The following SGSM1 variants were observed in gnomAD, a reference collection of about 807,000 sequenced individuals.
SGSM1 encodes RUN and TBC1 domain containing 2.
SGSM1 carries 73 observed loss-of-function variants against 133.8 expected under a neutral mutation model. That is an observed-to-expected ratio of 0.55 (90% CI 0.45 to 0.66). The LOEUF is 0.66. SGSM1 is among the 30% of genes least tolerant of loss of function. The pLI is 0.00. For missense variants in SGSM1, 1,213 were observed against 1,448.1 expected (o/e 0.84, Z 2.64); for synonymous variants, 563 against 573.0 (o/e 0.98, Z 0.25).
intron 2 of SGSM1, among the ~76,000 whole-genome samples, chr22:24,827,633 A>G (rs1928873800): frequency 6.6e-6 from 1 of 151,986 alleles, no homozygotes; most frequent in Admixed American, 6.5e-5. Context: ...TGTCATCTCA[A>G]GCACCTCTGT....
intron 24 of SGSM1, among the ~76,000 whole-genome samples, chr22:24,923,684 G>T (rs2123756824): frequency 6.6e-6 from 1 of 152,142 alleles, no homozygotes; most frequent in East Asian, 1.9e-4. Flanking sequence ...GTGCAGTGGT[G>T]CAATCTCGGC....
chr22:24,848,223 A>G (rs1930265686), intron 4 of SGSM1, among the ~76,000 whole-genome samples: 1 of 151,636 alleles, frequency 6.6e-6, no homozygotes, highest in Admixed American at 6.6e-5. Context: ...TGTCTCAAGC[A>G]TCCGGGCCAG....
Position 24,918,160 on chromosome 22 carries a change from C to T in SGSM1, c.3025+406C>T, listed in dbSNP as rs190354886. On this transcript the variant is annotated intron_variant, in intron 23 of 24. Coordinates refer to ENST00000400358, the MANE Select transcript of SGSM1 (RefSeq NM_001098497.3). Reference sequence around the variant, plus strand: ...AACATGACATAAAAGTGATGTATAACACAGTACCTTGTTGCTATTGTTCAG... The same window carrying T: ...AACATGACATAAAAGTGATGTATAATACAGTACCTTGTTGCTATTGTTCAG... 1.2e-4 allele frequency among the ~76,000 whole-genome samples: 18 copies of T among 152,248 alleles called. No individual in the cohort carries two copies. The East Asian group carries it at 3.5e-3, about 29-fold the overall frequency.
At chr22:24,919,474 G>A (rs1933933089) in intron 23 of SGSM1, among the ~76,000 whole-genome samples, 1 of 152,170 alleles carries the variant, frequency 6.6e-6, no homozygotes, top group Non-Finnish European at 1.5e-5. Context: ...AGATGGAGGT[G>A]CAGGGATAGC....
At chr22:24,810,685 C>T (rs532531401) in intron 2 of SGSM1, among the ~76,000 whole-genome samples, 295 of 152,240 alleles carry the variant, frequency 1.9e-3, no homozygotes, top group African/African-American at 6.7e-3. Flanking sequence ...GATGAGACCC[C>T]AGGAAGGAGA....
intron 21 of SGSM1, among the ~76,000 whole-genome samples, chr22:24,911,807 C>A (rs1933634281): frequency 6.6e-6 from 1 of 152,178 alleles, no homozygotes; most frequent in Non-Finnish European, 1.5e-5. Flanking sequence ...TTAATCCCAG[C>A]ACTTTGAGAG....
chr22:24,845,756 C>T (rs1357042219), intron 3 of SGSM1, among the ~76,000 whole-genome samples: 1 of 152,060 alleles, frequency 6.6e-6, no homozygotes, highest in Admixed American at 6.5e-5. Flanking sequence ...GCTGAGCACA[C>T]GCTGTGACCC....
intron 9 of SGSM1, among the ~76,000 whole-genome samples, chr22:24,860,922 A>AATATATATATATATAT (rs1555926665): frequency 1.4e-3 from 52 of 37,590 alleles, no homozygotes; most frequent in African/African-American, 5.1e-3. Context: ...AAAAAAAAAA[A>AATATATATATATATAT]ATATATATAT....
intron 21 of SGSM1, among the ~76,000 whole-genome samples, chr22:24,911,079 T>C (rs1246506644): frequency 2.0e-5 from 3 of 151,460 alleles, no homozygotes; most frequent in African/African-American, 7.3e-5. Context: ...CTACAAAAAA[T>C]AGAAAAATTA....
chr22:24,818,274 G>C (rs1253950380), intron 2 of SGSM1, among the ~76,000 whole-genome samples: 2 of 151,626 alleles, frequency 1.3e-5, no homozygotes, highest in East Asian at 3.9e-4. Flanking sequence ...ACAAAAAACA[G>C]TACTAATCCC....
At chr22:24,824,458 C>T (rs1256304060) in intron 2 of SGSM1, among the ~76,000 whole-genome samples, 5 of 152,040 alleles carry the variant, frequency 3.3e-5, no homozygotes, top group Admixed American at 6.6e-5. Flanking sequence ...TGCTTTGGAG[C>T]GTGCCAAAAT....
chr22:24,925,944 C>T lies in SGSM1; in HGVS notation c.*1670C>T, dbSNP rs1320619220. 6.6e-6 allele frequency: 1 copy of T among 152,234 alleles called. No homozygotes were observed. The highest frequency in any genetic ancestry group is 1.9e-4 in the East Asian group (1 of 5,194). 9.4% of individuals were successfully genotyped at this position (152,234 alleles called of 1,614,324 possible). On this transcript the variant is annotated 3_prime_UTR_variant, in exon 25 of 25. Coordinates refer to ENST00000400358, the MANE Select transcript of SGSM1 (RefSeq NM_001098497.3). ...TTTCAATAGAGCAGTCTTTCCCGCT[C>T]TTCTGTTCTGAGAATGCACCCGGAA...
At chr22:24,880,450 T>C (rs1932260977) in intron 14 of SGSM1, among the ~76,000 whole-genome samples, 1 of 152,190 alleles carries the variant, frequency 6.6e-6, no homozygotes, top group African/African-American at 2.4e-5. Context: ...CCTTGATTTT[T>C]CAGTTTTATT....
In SGSM1 at chr22:24,868,718, T is replaced by G; in HGVS notation, c.1159-5T>G. Reference sequence around the variant, plus strand: ...AGGACCTTGTTTTGGGACATGTTTTTGCAGGGCAAAGTGTTTCCTAAACTG... The same window carrying G: ...AGGACCTTGTTTTGGGACATGTTTTGGCAGGGCAAAGTGTTTCCTAAACTG... On this transcript the variant is annotated splice_region_variant and splice_polypyrimidine_tract_variant and intron_variant, in intron 11 of 24. Transcript: ENST00000400358. 6.2e-7 allele frequency: 1 copy of G among 1,613,800 alleles called. No homozygotes were observed. Among genetic ancestry groups the G allele is most frequent in the East Asian group, 2.2e-5 (1 of 44,880 alleles).
At chr22:24,869,612 A>G (rs1171559221) in intron 12 of SGSM1, among the ~76,000 whole-genome samples, 4 of 152,202 alleles carry the variant, frequency 2.6e-5, no homozygotes, top group Admixed American at 2.0e-4. Flanking sequence ...TTAATATTCT[A>G]CTTCCCCTTT....
At chr22:24,871,180 A>G (rs1476139185) in intron 12 of SGSM1, among the ~76,000 whole-genome samples, 2 of 152,214 alleles carry the variant, frequency 1.3e-5, no homozygotes, top group Non-Finnish European at 2.9e-5. Context: ...TGACAACCAG[A>G]TATGTCTCTA....
chr22:24,902,202 G>A (rs139740), intron 20 of SGSM1, among the ~76,000 whole-genome samples: 4,751 of 152,266 alleles, frequency 0.031, 119 homozygotes, highest in Non-Finnish European at 0.049. Flanking sequence ...TCAACCCGAC[G>A]AGGTATTAAC....
intron 5 of SGSM1, among the ~76,000 whole-genome samples, chr22:24,853,798 T>TTTTTA (rs1930623727): frequency 6.6e-6 from 1 of 150,894 alleles, no homozygotes; most frequent in African/African-American, 2.4e-5. Context: ...TTTGTATTTT[T>TTTTTA]AGTAGGTATG....
chr22:24,919,040 CTTTTTTTTTTTTT>C (rs143985087), intron 23 of SGSM1, among the ~76,000 whole-genome samples: 1 of 71,778 alleles, frequency 1.4e-5, no homozygotes, highest in African/African-American at 6.7e-5. Context: ...CACACCCGGC[CTTTTTTTTTTTTT>C]TTTTTTTTTT....
Sources: gnomAD v4.1 joint callset for allele counts (sites outside exome capture counted in the v4.1 genomes callset) on GRCh38, gnomAD v4.1.1 for gene constraint, MANE v1.5 for transcripts, NCBI Gene and HGNC (gene_info 2026-07-23, HGNC 2026-07-21) for gene names.